KHDRBS2: variants seen among roughly 807,000 people sequenced by gnomAD.
KHDRBS2 encodes KH domain-containing, RNA-binding, signal transduction-associated protein 2.
In KHDRBS2, 26 loss-of-function variants were observed where a neutral mutation model predicts 44.3. That is an observed-to-expected ratio of 0.59 (90% confidence interval 0.43 to 0.81). KHDRBS2 has a LOEUF of 0.81. Among genes scored for constraint, KHDRBS2 ranks in the 40% least tolerant of loss-of-function variants. KHDRBS2 has a pLI of 0.00. For synonymous variants in KHDRBS2, 194 were observed against 151.1 expected (o/e 1.28, Z -2.08); for missense variants, 476 against 433.1 (o/e 1.10, Z -0.88).
chr6:61,768,768 C>A (rs1055223879), intron 6 of KHDRBS2, among the ~76,000 whole-genome samples: 1 of 151,984 alleles, frequency 6.6e-6, no homozygotes, highest in Non-Finnish European at 1.5e-5. Flanking sequence ...CTTTTCACTG[C>A]CCTTGATTTG....
the KHDRBS2 span, among the ~76,000 whole-genome samples, chr6:61,590,336 G>GACA: frequency 6.6e-6 from 1 of 152,136 alleles, no homozygotes; most frequent in Non-Finnish European, 1.5e-5. Flanking sequence ...GATGTCTTGG[G>GACA]TATTGTCTCT....
the KHDRBS2 span, among the ~76,000 whole-genome samples, chr6:61,549,018 G>A: frequency 6.6e-6 from 1 of 152,036 alleles, no homozygotes; most frequent in Non-Finnish European, 1.5e-5. Flanking sequence ...AACATAGCAT[G>A]GCATGTAGCT....
At position 61,682,897 on chromosome 6, in the gene KHDRBS2, A is replaced by T. The variant is rs1766456139; in HGVS notation, c.953-1837T>A. Among the ~76,000 whole-genome samples the T allele has an allele frequency of 2.0e-5, 3 of 152,020 alleles. No individual in the cohort carries two copies. The South Asian group carries it at 6.2e-4, about 32-fold the overall frequency. ...ATTCAGTGTGTGCAAGCTTGAAAGT[A>T]CCTTCTTAGCCTTATGTAAAATGAA... On this transcript the variant is annotated intron_variant, in intron 8 of 8. Transcript: ENST00000281156.
intron 2 of KHDRBS2, among the ~76,000 whole-genome samples, chr6:62,099,846 G>A (rs58418685): frequency 9.4e-4 from 143 of 152,222 alleles, no homozygotes; most frequent in African/African-American, 3.1e-3. Flanking sequence ...GGAGATGTGC[G>A]GGGATATTAA....
chr6:62,163,934 A>G (rs1396658772), intron 2 of KHDRBS2, among the ~76,000 whole-genome samples: 1 of 151,944 alleles, frequency 6.6e-6, no homozygotes, highest in Admixed American at 6.6e-5. Context: ...CTATTTTACA[A>G]TGTTTTAAAG....
chr6:62,110,108 C>T (rs1429778546), intron 2 of KHDRBS2, among the ~76,000 whole-genome samples: 1 of 151,834 alleles, frequency 6.6e-6, no homozygotes, highest in East Asian at 1.9e-4. Context: ...AAAATATTTC[C>T]AAAGCATATA....
At chr6:61,551,376 C>A in the KHDRBS2 span, among the ~76,000 whole-genome samples, 4 of 152,154 alleles carry the variant, frequency 2.6e-5, no homozygotes, top group Middle Eastern at 3.4e-3. Flanking sequence ...TTAATTAGGT[C>A]CCATTTGCCA....
At chr6:61,581,285 G>A in the KHDRBS2 span, among the ~76,000 whole-genome samples, 1 of 152,138 alleles carries the variant, frequency 6.6e-6, no homozygotes, top group Admixed American at 6.5e-5. Context: ...TTTTTTCTGT[G>A]ATTTGGTGGT....
chr6:61,955,115 T>G (rs894759894), intron 4 of KHDRBS2, among the ~76,000 whole-genome samples: 8 of 135,664 alleles, frequency 5.9e-5, no homozygotes. Flanking sequence ...TACACATATG[T>G]GTATATATGT....
At chr6:61,762,039 T>C (rs1045601056) in intron 6 of KHDRBS2, among the ~76,000 whole-genome samples, 5 of 152,182 alleles carry the variant, frequency 3.3e-5, no homozygotes, top group African/African-American at 1.2e-4. Context: ...AAATGAGCAA[T>C]ATTTAGATAC....
chr6:61,876,316 G>T (rs1319149610), intron 6 of KHDRBS2, among the ~76,000 whole-genome samples: 6 of 151,886 alleles, frequency 4.0e-5, no homozygotes, highest in Non-Finnish European at 8.8e-5. Flanking sequence ...AAGCATGAAG[G>T]CTAACAGGTT....
At chr6:62,157,610 G>A (rs1334532027) in intron 2 of KHDRBS2, among the ~76,000 whole-genome samples, 1 of 152,136 alleles carries the variant, frequency 6.6e-6, no homozygotes, top group Admixed American at 6.5e-5. Flanking sequence ...AGTGGCATAT[G>A]AGTCAGAGGT....
chr6:61,681,037 G>C lies in KHDRBS2; in HGVS notation c.976C>G (p.Arg326Gly). Residue 326 changes from arginine to glycine, a missense_variant, in exon 9 of 9, where the codon CGC becomes GGC. Physicochemically the swap from Arg to Gly is moderately radical, Grantham distance 125 (BLOSUM62 -2). Coordinates refer to ENST00000281156, the MANE Select transcript of KHDRBS2 (RefSeq NM_152688.4). The part of the protein sequence containing the change: ...SYAPEEWATT[R>G]SSLKAPPQRS... ...TGCGGTGGTGCCTTCAAGCTAGAGC[G>C]GGTTGTGGCCCATTCTTCTGGTGCT... The C allele has an allele frequency of 6.2e-7, 1 of 1,611,458 alleles. No homozygotes were observed. The highest frequency in any genetic ancestry group is 8.5e-7 in the Non-Finnish European group (1 of 1,178,388).
intron 6 of KHDRBS2, among the ~76,000 whole-genome samples, chr6:61,773,997 A>G: frequency 6.6e-6 from 1 of 152,098 alleles, no homozygotes; most frequent in African/African-American, 2.4e-5. Context: ...TGTTCCATTG[A>G]TCTATATATC....
chr6:61,935,569 CA>C (rs1198489071), intron 4 of KHDRBS2, among the ~76,000 whole-genome samples: 1 of 152,100 alleles, frequency 6.6e-6, no homozygotes, highest in Non-Finnish European at 1.5e-5. Context: ...TGAGGTTTTA[CA>C]ATACTATCAT....
intron 2 of KHDRBS2, among the ~76,000 whole-genome samples, chr6:62,108,269 C>T (rs1804014025): frequency 6.6e-6 from 1 of 152,076 alleles, no homozygotes; most frequent in African/African-American, 2.4e-5. Context: ...AGAACCCCAT[C>T]AAAAAGTGGG....
At chr6:61,943,397 A>G (rs576094108) in intron 4 of KHDRBS2, among the ~76,000 whole-genome samples, 1 of 152,214 alleles carries the variant, frequency 6.6e-6, no homozygotes, top group Admixed American at 6.5e-5. Context: ...AGTGATAGAC[A>G]ATGAAAAGAA....
chr6:62,188,396 C>A (rs1026603221), intron 1 of KHDRBS2, among the ~76,000 whole-genome samples: 1 of 152,082 alleles, frequency 6.6e-6, no homozygotes, highest in Non-Finnish European at 1.5e-5. Flanking sequence ...TAAGTGGAAT[C>A]ATGTAGCGAT....
At chr6:61,635,394 G>A in the KHDRBS2 span, among the ~76,000 whole-genome samples, 2 of 151,908 alleles carry the variant, frequency 1.3e-5, no homozygotes, top group African/African-American at 2.4e-5. Flanking sequence ...TTTTAAAACC[G>A]TAATGTCTGC....
Sources: allele counts gnomAD v4.1 joint callset (sites outside exome capture counted in the v4.1 genomes callset), GRCh38; gene constraint gnomAD v4.1.1; transcripts MANE v1.5; gene names NCBI Gene and HGNC (gene_info 2026-07-23, HGNC 2026-07-21).